The following BBOF1 variants were observed in gnomAD, a reference collection of about 807,000 sequenced individuals.
BBOF1 encodes basal body-orientation factor 1.
BBOF1 carries 62 observed loss-of-function variants against 68.0 expected under a neutral mutation model. The ratio of observed to expected loss-of-function variants is 0.91; its 90% CI spans 0.74 to 1.13. BBOF1 has a LOEUF of 1.13. Ranked by LOEUF, BBOF1 falls within the 50% of genes most tolerant of loss-of-function variation. BBOF1 has a pLI of 0.00. For synonymous variants in BBOF1, 208 were observed against 198.8 expected (o/e 1.05, Z -0.39); for missense variants, 534 against 600.1 (o/e 0.89, Z 1.15).
At chr14:74,039,146 G>A (rs541424518) in intron 4 of BBOF1, among the ~76,000 whole-genome samples, 5 of 152,098 alleles carry the variant, frequency 3.3e-5, no homozygotes, top group African/African-American at 1.2e-4. Flanking sequence ...TTCCTTTGCT[G>A]TAGAAACTTC....
chr14:74,057,060 A>G, intron 10 of BBOF1, 80 bp downstream of exon 10: 1 of 1,593,464 alleles, frequency 6.3e-7, no homozygotes, highest in Non-Finnish European at 8.6e-7. Context: ...GCTAATTGAA[A>G]GTAATATGAC....
At chr14:74,039,392 T>A (rs72627150) in intron 4 of BBOF1, among the ~76,000 whole-genome samples, 19,523 of 152,150 alleles carry the variant, frequency 0.13, 1,924 homozygotes, top group East Asian at 0.57. Context: ...ACTGTGGGGA[T>A]CATCTAAGGA....
intron 5 of BBOF1, among the ~76,000 whole-genome samples, chr14:74,044,970 CCA>C (rs899448590): frequency 1.8e-4 from 28 of 152,092 alleles, no homozygotes; most frequent in African/African-American, 6.8e-4. Context: ...CTCCTGAGCT[CCA>C]GTCATCCCGC....
chr14:74,044,100 G>C lies in BBOF1; in HGVS notation c.577-1960G>C, dbSNP rs1235747004. 2.6e-5 allele frequency among the ~76,000 whole-genome samples: 4 copies of C among 151,820 alleles called. 1 individual carries two copies. The highest frequency in any genetic ancestry group is 4.4e-5 in the Non-Finnish European group (3 of 67,974). On this transcript the variant is annotated intron_variant, in intron 5 of 11. Transcript: ENST00000394009. Reference sequence around the variant, plus strand: ...GTCTGTACTAAAAATACAAAAATTAGCTGGGCATGGTGGTGCACACCTGTA... The same window carrying C: ...GTCTGTACTAAAAATACAAAAATTACCTGGGCATGGTGGTGCACACCTGTA...
downstream of BBOF1, among the ~76,000 whole-genome samples, chr14:74,068,014 AG>A (rs2060496794): frequency 6.6e-6 from 1 of 151,238 alleles, no homozygotes; most frequent in Non-Finnish European, 1.5e-5. Context: ...AAAAAAAAAA[AG>A]AACTTACAGC....
At chr14:74,062,150 A>T (rs7140415) in intron 11 of BBOF1, among the ~76,000 whole-genome samples, 78,450 of 151,088 alleles carry the variant, frequency 0.52, 21,059 homozygotes, top group East Asian at 0.89. Context: ...TGAGCCGAGA[A>T]TGCACCATTG....
chr14:74,052,026 T>A (rs2060078275), intron 8 of BBOF1, among the ~76,000 whole-genome samples: 1 of 151,908 alleles, frequency 6.6e-6, no homozygotes, highest in African/African-American at 2.4e-5. Context: ...ATGCCTAAAC[T>A]ATAATTTACT....
intron 4 of BBOF1, among the ~76,000 whole-genome samples, chr14:74,036,291 A>G (rs1258907848): frequency 1.3e-5 from 2 of 152,132 alleles, no homozygotes; most frequent in African/African-American, 2.4e-5. Context: ...TCCTGGCCTC[A>G]GGTGCTCTGC....
downstream of BBOF1, chr14:74,066,578 T>G: frequency 1.0e-6 from 1 of 998,480 alleles, no homozygotes; most frequent in South Asian, 1.4e-5. Context: ...GATAAAATAA[T>G]TGATCAATCC....
At chr14:74,076,722 G>A (rs2060617446) in intron 9 of BBOF1, among the ~76,000 whole-genome samples, 1 of 151,628 alleles carries the variant, frequency 6.6e-6, no homozygotes, top group South Asian at 2.1e-4. Context: ...TATTTTTTTT[G>A]TATTTTTAGT....
intron 8 of BBOF1, among the ~76,000 whole-genome samples, chr14:74,052,789 T>C (rs537670429): frequency 6.6e-5 from 10 of 151,644 alleles, no homozygotes; most frequent in African/African-American, 2.4e-4. Flanking sequence ...TTGAGTCCAG[T>C]AGTTAAAGAC....
intron 5 of BBOF1, among the ~76,000 whole-genome samples, chr14:74,042,182 G>A (rs1031574587): frequency 6.6e-6 from 1 of 152,142 alleles, no homozygotes; most frequent in Admixed American, 6.6e-5. Context: ...GCTCCTATGG[G>A]GTTTAGATAA....
At position 74,023,128 on chromosome 14, in the gene BBOF1, A is replaced by T. The variant is rs1252717521; in HGVS notation, c.269A>T (p.Gln90Leu). ...SVLSYLKKQD[Q>L]EKDNMIEKLK... ...TTAAGTTACCTGAAGAAGCAGGATC[A>T]GGAGAAAGATAATATGGTAGGTAGG... The change falls in exon 2 of 12, where the codon CAG (glutamine) becomes CTG (leucine). Residue 90 changes from glutamine (Q) to leucine (L), a missense_variant. Transcript: ENST00000394009. 3 of 1,580,396 alleles carry T rather than the reference A, an allele frequency of 1.9e-6. No individual in the cohort carries two copies. Among genetic ancestry groups the T allele is most frequent in the East Asian group, 4.6e-5 (2 of 43,854 alleles).
chr14:74,080,785 AG>A (rs2060661733), intron 10 of BBOF1, among the ~76,000 whole-genome samples: 1 of 152,128 alleles, frequency 6.6e-6, no homozygotes, highest in Non-Finnish European at 1.5e-5. Flanking sequence ...CCATAATCAG[AG>A]GGTCTTTCTG....
In BBOF1 at chr14:74,050,090, G is replaced by C. The variant is rs2060033383; in HGVS notation, c.1181G>C (p.Arg394Thr). ...IAQAAFNLKM[R>T]AACTGRTEYP... ...CAAGCTGCTTTCAATTTAAAAATGA[G>C]AGCAGCATGTACAGGAAGAACAGAA... Residue 394 changes from arginine to threonine, a missense_variant, in exon 8 of 12, where the codon AGA (arginine) becomes ACA (threonine). By Grantham distance (71) the Arg-to-Thr change is moderately conservative (BLOSUM62 -1). Transcript: ENST00000394009. 1 of 1,613,934 alleles carries C rather than the reference G, an allele frequency of 6.2e-7. No individual in the cohort carries two copies.
chr14:74,080,315 C>T (rs2060657917), intron 10 of BBOF1, among the ~76,000 whole-genome samples: 1 of 151,950 alleles, frequency 6.6e-6, no homozygotes, highest in South Asian at 2.1e-4. Context: ...TCTCACTTGA[C>T]CTTCCATAAT....
chr14:74,043,419 G>A (rs1312633263), intron 5 of BBOF1, among the ~76,000 whole-genome samples: 3 of 148,916 alleles, frequency 2.0e-5, no homozygotes, highest in Middle Eastern at 3.4e-3. Flanking sequence ...GCGCGGTGGC[G>A]GGCGCCTGTA....
At chr14:74,060,589 C>CA in intron 11 of BBOF1, 1 of 1,297,026 alleles carries the variant, frequency 7.7e-7, no homozygotes, top group Non-Finnish European at 1.1e-6. Context: ...TGAAGCTGGT[C>CA]AAAAATAAAG....
At chr14:74,045,255 A>G (rs970207429) in intron 5 of BBOF1, among the ~76,000 whole-genome samples, 1 of 152,224 alleles carries the variant, frequency 6.6e-6, no homozygotes, top group Non-Finnish European at 1.5e-5. Context: ...TGTTCACTAC[A>G]GAATTTCAGT....
Sources: gnomAD v4.1 joint callset for allele counts (sites outside exome capture counted in the v4.1 genomes callset) on GRCh38, gnomAD v4.1.1 for gene constraint, MANE v1.5 for transcripts, NCBI Gene and HGNC (gene_info 2026-07-23, HGNC 2026-07-21) for gene names.